Variants in MZT1 observed in about 807,000 individuals in gnomAD.
MZT1 encodes the protein mitotic-spindle organizing protein 1.
MZT1 carries 8 observed loss-of-function variants against 8.5 expected under a neutral mutation model. That is an observed-to-expected ratio of 0.94 (90% CI 0.55 to 1.70). The LOEUF is 1.70. Ranked by LOEUF, MZT1 falls within the 40% of genes most tolerant of loss-of-function variation. The probability of loss-of-function intolerance (pLI) is 0.00; values close to 1 mark genes in which losing one functional copy is unlikely to be tolerated. For synonymous variants in MZT1, 38 were observed against 42.0 expected (o/e 0.90, Z 0.37); for missense variants, 93 against 108.6 (o/e 0.86, Z 0.64).
intron 1 of MZT1, among the ~76,000 whole-genome samples, chr13:72,722,816 CT>C (rs1344148904): frequency 6.6e-6 from 1 of 152,172 alleles, no homozygotes; most frequent in Non-Finnish European, 1.5e-5. Context: ...GGAGACTTCC[CT>C]TCTTGCTTTT....
At chr13:72,718,352 T>C (rs9543097) in intron 2 of MZT1, among the ~76,000 whole-genome samples, 49,026 of 152,196 alleles carry the variant, frequency 0.32, 8,949 homozygotes, top group East Asian at 0.5. Context: ...GTCATATTCA[T>C]TGGGACCAGG....
chr13:72,714,300 A>G (rs1364119059), intron 2 of MZT1, among the ~76,000 whole-genome samples: 1 of 152,262 alleles, frequency 6.6e-6, no homozygotes, highest in Non-Finnish European at 1.5e-5. Flanking sequence ...CTAACAGCAT[A>G]TGCTCAGATG....
chr13:72,716,067 C>T (rs1057448680), intron 2 of MZT1, among the ~76,000 whole-genome samples: 6 of 152,004 alleles, frequency 3.9e-5, no homozygotes, highest in African/African-American at 1.4e-4. Flanking sequence ...ACAGTGCCTG[C>T]CATAATGCCT....
chr13:72,720,556 C>T (rs184979422), intron 1 of MZT1, among the ~76,000 whole-genome samples: 1 of 152,280 alleles, frequency 6.6e-6, no homozygotes, highest in Admixed American at 6.5e-5. Flanking sequence ...ATAGGTCCCT[C>T]CCATTTCTTC....
intron 1 of MZT1, among the ~76,000 whole-genome samples, chr13:72,721,385 C>T (rs1430696853): frequency 6.6e-6 from 1 of 152,174 alleles, no homozygotes; most frequent in Non-Finnish European, 1.5e-5. Context: ...ATCCTCAGCC[C>T]TGTGTAAGCA....
intron 2 of MZT1, among the ~76,000 whole-genome samples, chr13:72,711,251 A>G (rs2032486434): frequency 6.6e-6 from 1 of 152,212 alleles, no homozygotes; most frequent in South Asian, 2.1e-4. Flanking sequence ...TAAGGAGATA[A>G]TATAAAAATT....
intron 1 of MZT1, among the ~76,000 whole-genome samples, chr13:72,726,740 T>C (rs2032665008): frequency 3.0e-5 from 2 of 67,244 alleles, no homozygotes; most frequent in Non-Finnish European, 6.7e-5. Flanking sequence ...GGTTTTATTT[T>C]ACAGAAAAAA....
chr13:72,726,566 A>G (rs1487348765), intron 1 of MZT1, among the ~76,000 whole-genome samples: 1 of 152,168 alleles, frequency 6.6e-6, no homozygotes, highest in Non-Finnish European at 1.5e-5. Flanking sequence ...GCAAATAACA[A>G]CATCGATCAA....
chr13:72,716,634 C>T (rs1322405018), intron 2 of MZT1, among the ~76,000 whole-genome samples: 1 of 152,088 alleles, frequency 6.6e-6, no homozygotes, highest in Non-Finnish European at 1.5e-5. Context: ...TCTCTATGAG[C>T]CCATGTTTTG....
chr13:72,720,868 A>T (rs1399458967), intron 1 of MZT1, among the ~76,000 whole-genome samples: 2 of 152,184 alleles, frequency 1.3e-5, no homozygotes, highest in African/African-American at 4.8e-5. Flanking sequence ...AGCCTGGGCA[A>T]CAAGAGCAAA....
chr13:72,727,409 G>A, intron 1 of MZT1, 115 bp downstream of exon 1: 4 of 1,034,660 alleles, frequency 3.9e-6, no homozygotes, highest in Non-Finnish European at 6.1e-6. Context: ...AAAGATCTTG[G>A]AAGATGCCGT....
chr13:72,723,000 C>T (rs1188325588), intron 1 of MZT1, among the ~76,000 whole-genome samples: 3 of 152,174 alleles, frequency 2.0e-5, no homozygotes, highest in African/African-American at 4.8e-5. Flanking sequence ...CATCAGTATA[C>T]TGGAACACTA....
chr13:72,723,236 T>A (rs992858464), intron 1 of MZT1, among the ~76,000 whole-genome samples: 1 of 152,238 alleles, frequency 6.6e-6, no homozygotes, highest in Non-Finnish European at 1.5e-5. Context: ...GTTTTCTTAG[T>A]CCATCTCATT....
In MZT1 at chr13:72,724,701, AATATATATATATAT is replaced by A. The variant is rs71198160; in HGVS notation, c.79+2809_79+2822del. Reference sequence around the variant, plus strand: ...TTACAGGCACCCGTACTTACTACTAAATATATATATATATATACATATATATATATATATATATA... The same window carrying A: ...TTACAGGCACCCGTACTTACTACTAAATACATATATATATATATATATATA... On this transcript the variant is annotated intron_variant, in intron 1 of 2. Transcript: ENST00000377818. 3.0e-3 allele frequency among the ~76,000 whole-genome samples: 97 copies of A among 32,648 alleles called. 3 individuals are homozygous for A. The highest frequency in any genetic ancestry group is 5.0e-3 in the African/African-American group (91 of 18,342). 21.4% of individuals were successfully genotyped at this position (32,648 alleles called of 152,430 possible).
intron 2 of MZT1, among the ~76,000 whole-genome samples, chr13:72,710,897 C>T (rs1490099396): frequency 3.9e-5 from 6 of 152,092 alleles, no homozygotes; most frequent in African/African-American, 1.4e-4. Flanking sequence ...AATCACCATA[C>T]TATTATCCTA....
chr13:72,727,555 C>G lies in MZT1; in HGVS notation c.48G>C (p.Ala16=). 1 of 1,608,504 alleles carries G rather than the reference C, an allele frequency of 6.2e-7. No homozygotes were observed. The highest frequency in any genetic ancestry group is 1.3e-5 in the African/African-American group (1 of 75,012). Residue 16 remains alanine (A), a synonymous_variant, in exon 1 of 3, where the codon GCG becomes GCC. Coordinates refer to ENST00000377818, the MANE Select transcript of MZT1 (RefSeq NM_001071775.3). ...GAGAAAAAAA[A]NLNAVRETMD... The stretch of plus-strand genomic sequence containing the variant: ...TGGTCTCCCGCACCGCATTCAGATT[C>G]GCCGCCGCGGCCGCCGCCGCCGCCC...
At chr13:72,727,311 G>C (rs190351413) in intron 1 of MZT1, among the ~76,000 whole-genome samples, 25 of 152,224 alleles carry the variant, frequency 1.6e-4, no homozygotes, top group African/African-American at 5.8e-4. Context: ...GGGCCGCAAC[G>C]CCTAGCGCGC....
At chr13:72,719,487 T>G (rs948276341) in intron 1 of MZT1, among the ~76,000 whole-genome samples, 2 of 152,208 alleles carry the variant, frequency 1.3e-5, no homozygotes, top group African/African-American at 4.8e-5. Context: ...TCTGTTACTT[T>G]AAAAGTTAGG....
chr13:72,723,545 C>T (rs903627275), intron 1 of MZT1, among the ~76,000 whole-genome samples: 1 of 152,136 alleles, frequency 6.6e-6, no homozygotes, highest in Non-Finnish European at 1.5e-5. Flanking sequence ...AAATTACCTT[C>T]AGGCTATGTG....
Sources: allele counts gnomAD v4.1 joint callset (sites outside exome capture counted in the v4.1 genomes callset), GRCh38; gene constraint gnomAD v4.1.1; transcripts MANE v1.5; gene names NCBI Gene and HGNC (gene_info 2026-07-23, HGNC 2026-07-21).